The following CDYL2 variants were observed in gnomAD, a reference collection of about 807,000 sequenced individuals.
CDYL2 encodes the protein chromodomain Y like 2.
CDYL2 carries 23 observed loss-of-function variants against 49.4 expected under a neutral mutation model. The ratio of observed to expected loss-of-function variants is 0.47; its 90% CI spans 0.34 to 0.66. CDYL2 has a LOEUF of 0.66. Ranked by LOEUF, CDYL2 falls within the 30% of genes least tolerant of loss-of-function variation. The pLI, the probability that CDYL2 is intolerant of heterozygous loss-of-function variation, is 0.01. For synonymous variants in CDYL2, 360 were observed against 268.8 expected, an observed-to-expected ratio of 1.34 and a Z score of -3.32; for missense variants, 678 against 656.4, an observed-to-expected ratio of 1.03 and a Z score of -0.36.
chr16:80,657,740 A>G (rs956823264), intron 2 of CDYL2, among the ~76,000 whole-genome samples: 1 of 152,188 alleles, frequency 6.6e-6, no homozygotes, highest in African/African-American at 2.4e-5. Context: ...GAAATTTGGC[A>G]GTATCTGACA....
intron 1 of CDYL2, among the ~76,000 whole-genome samples, chr16:80,700,382 A>G (rs1904294355): frequency 6.6e-6 from 1 of 152,258 alleles, no homozygotes; most frequent in South Asian, 2.1e-4. Flanking sequence ...AAAGACATCA[A>G]AAATAAAATT....
intron 1 of CDYL2, among the ~76,000 whole-genome samples, chr16:80,712,438 C>T (rs917157912): frequency 6.6e-6 from 1 of 151,888 alleles, no homozygotes. Context: ...CCTGGCTGCT[C>T]TCCATGTCGG....
At chr16:80,683,336 G>A (rs1910044607) in intron 2 of CDYL2, among the ~76,000 whole-genome samples, 1 of 152,212 alleles carries the variant, frequency 6.6e-6, no homozygotes, top group Non-Finnish European at 1.5e-5. Context: ...AGAAGTGAGG[G>A]ACTGCACATA....
chr16:80,690,379 C>A (rs878945063), intron 1 of CDYL2, among the ~76,000 whole-genome samples: 1 of 152,170 alleles, frequency 6.6e-6, no homozygotes, highest in Non-Finnish European at 1.5e-5. Context: ...CACTAGCAGG[C>A]TGATAACATA....
At chr16:80,607,402 A>G (rs1826942929) in intron 6 of CDYL2, among the ~76,000 whole-genome samples, 2 of 152,188 alleles carry the variant, frequency 1.3e-5, no homozygotes, top group African/African-American at 4.8e-5. Flanking sequence ...AAATGCACGC[A>G]GCAGCTCCCT....
At chr16:80,740,571 G>C (rs1281087725) in intron 1 of CDYL2, among the ~76,000 whole-genome samples, 1 of 152,058 alleles carries the variant, frequency 6.6e-6, no homozygotes, top group Non-Finnish European at 1.5e-5. Flanking sequence ...CTATACAAAA[G>C]AATCTCTAAA....
At chr16:80,713,295 G>C (rs996735072) in intron 1 of CDYL2, among the ~76,000 whole-genome samples, 2 of 152,212 alleles carry the variant, frequency 1.3e-5, no homozygotes, top group East Asian at 3.8e-4. Context: ...GAGAGGCTCT[G>C]AGAACAGTGC....
intron 4 of CDYL2, among the ~76,000 whole-genome samples, chr16:80,619,311 C>A (rs931967989): frequency 1.3e-5 from 2 of 152,184 alleles, no homozygotes; most frequent in Non-Finnish European, 2.9e-5. Context: ...GGGATTGGCA[C>A]GTGGACATAT....
intron 1 of CDYL2, among the ~76,000 whole-genome samples, chr16:80,699,413 T>C (rs1187717382): frequency 6.6e-6 from 1 of 152,198 alleles, no homozygotes; most frequent in African/African-American, 2.4e-5. Context: ...AAGCCAGGCA[T>C]AGAAATACAA....
intron 1 of CDYL2, among the ~76,000 whole-genome samples, chr16:80,728,416 G>C (rs1385510942): frequency 6.6e-6 from 1 of 152,100 alleles, no homozygotes; most frequent in Admixed American, 6.5e-5. Context: ...AAAAAGAAAC[G>C]AACAAAGCCT....
intron 1 of CDYL2, among the ~76,000 whole-genome samples, chr16:80,690,257 C>T (rs1216440739): frequency 6.6e-6 from 1 of 152,118 alleles, no homozygotes; most frequent in Non-Finnish European, 1.5e-5. Flanking sequence ...AAGGCTCCTC[C>T]AAGAAAGGAC....
At chr16:80,630,603 G>A (rs1410611613) in intron 3 of CDYL2, among the ~76,000 whole-genome samples, 1 of 152,070 alleles carries the variant, frequency 6.6e-6, no homozygotes, top group Non-Finnish European at 1.5e-5. Flanking sequence ...CCCACACAGA[G>A]GTCTACACAG....
chr16:80,718,303 T>C (rs1904881082), intron 1 of CDYL2, among the ~76,000 whole-genome samples: 1 of 152,188 alleles, frequency 6.6e-6, no homozygotes, highest in African/African-American at 2.4e-5. Context: ...ATAAAATTCA[T>C]TACTTGTTTA....
chr16:80,737,716 A>T (rs1905586793), intron 1 of CDYL2, among the ~76,000 whole-genome samples: 1 of 152,188 alleles, frequency 6.6e-6, no homozygotes, highest in Non-Finnish European at 1.5e-5. Context: ...GCACATCCAG[A>T]GTTTCCGATT....
intron 1 of CDYL2, among the ~76,000 whole-genome samples, chr16:80,759,181 G>GTA (rs370401562): frequency 0.1 from 12,418 of 118,554 alleles, 690 homozygotes; most frequent in South Asian, 0.21. Flanking sequence ...TATATGGTGT[G>GTA]TATATATATA....
At chr16:80,786,301 A>C (rs914651440) in intron 1 of CDYL2, among the ~76,000 whole-genome samples, 1 of 152,234 alleles carries the variant, frequency 6.6e-6, no homozygotes, top group African/African-American at 2.4e-5. Context: ...AAAATGGGCA[A>C]AGGATATGAA....
chr16:80,681,301 C>A (rs1324849917), intron 2 of CDYL2, among the ~76,000 whole-genome samples: 2 of 152,114 alleles, frequency 1.3e-5, no homozygotes, highest in Admixed American at 1.3e-4. Context: ...AGTGCTCACC[C>A]TTGGGCCCCT....
intron 1 of CDYL2, among the ~76,000 whole-genome samples, chr16:80,769,290 A>G (rs554375879): frequency 2.6e-5 from 4 of 152,250 alleles, no homozygotes; most frequent in Admixed American, 1.3e-4. Flanking sequence ...AAAGGCTACA[A>G]GACTAGAAAA....
At chr16:80,647,403 C>T (rs139215888) in intron 2 of CDYL2, among the ~76,000 whole-genome samples, 2 of 152,090 alleles carry the variant, frequency 1.3e-5, no homozygotes, top group African/African-American at 4.8e-5. Context: ...CAAAGCTATC[C>T]TAAGCAAAAA....
Sources: allele counts gnomAD v4.1 joint callset (sites outside exome capture counted in the v4.1 genomes callset), GRCh38; gene constraint gnomAD v4.1.1; transcripts MANE v1.5; gene names NCBI Gene and HGNC (gene_info 2026-07-23, HGNC 2026-07-21).